The following CACNA2D3 variants were observed in gnomAD, a reference collection of about 807,000 sequenced individuals.
CACNA2D3 encodes the protein calcium voltage-gated channel auxiliary subunit alpha2delta 3.
CACNA2D3 carries 60 observed loss-of-function variants against 160.6 expected under a neutral mutation model. The ratio of observed to expected loss-of-function variants is 0.37; its 90% CI spans 0.30 to 0.46. The LOEUF is 0.46. Ranked by LOEUF, CACNA2D3 falls within the 20% of genes least tolerant of loss-of-function variation. The pLI is 1.00. For missense variants in CACNA2D3, 1,205 were observed against 1,365.0 expected, an observed-to-expected ratio of 0.88 and a Z score of 1.85; for synonymous variants, 558 against 492.9, an observed-to-expected ratio of 1.13 and a Z score of -1.75.
At chr3:54,372,776 A>G (rs1424077584) in intron 3 of CACNA2D3, among the ~76,000 whole-genome samples, 1 of 152,180 alleles carries the variant, frequency 6.6e-6, no homozygotes, top group Non-Finnish European at 1.5e-5. Flanking sequence ...ATTTCAGTTC[A>G]TTACCTGGGC....
intron 2 of CACNA2D3, among the ~76,000 whole-genome samples, chr3:54,201,087 G>A (rs55886209): frequency 0.37 from 55,697 of 151,962 alleles, 13,091 homozygotes; most frequent in African/African-American, 0.65. Context: ...TGAAATAAGC[G>A]CTGGGTTTTG....
chr3:54,949,762 G>A (rs533921362), intron 27 of CACNA2D3, among the ~76,000 whole-genome samples: 13 of 152,086 alleles, frequency 8.5e-5, no homozygotes, highest in South Asian at 6.2e-4. Flanking sequence ...TGTGGTCTCT[G>A]CCACAGATAG....
intron 3 of CACNA2D3, among the ~76,000 whole-genome samples, chr3:54,384,520 CAGA>C (rs756010203): frequency 7.9e-5 from 12 of 152,164 alleles, no homozygotes; most frequent in Non-Finnish European, 1.5e-4. Context: ...CACATGATCC[CAGA>C]AGGCTTTCAA....
intron 17 of CACNA2D3, among the ~76,000 whole-genome samples, chr3:54,853,992 T>C (rs1429096692): frequency 1.3e-5 from 2 of 152,102 alleles, no homozygotes; most frequent in Non-Finnish European, 2.9e-5. Flanking sequence ...TGAAAGAGAC[T>C]GTCCAGTAGG....
intron 17 of CACNA2D3, among the ~76,000 whole-genome samples, chr3:54,866,411 T>A (rs1699401696): frequency 6.6e-6 from 1 of 152,162 alleles, no homozygotes; most frequent in Non-Finnish European, 1.5e-5. Flanking sequence ...GGACTGCGGC[T>A]GCCTGGGAGA....
chr3:54,463,944 A>G (rs1023404510), intron 4 of CACNA2D3, among the ~76,000 whole-genome samples: 2 of 151,056 alleles, frequency 1.3e-5, no homozygotes, highest in Non-Finnish European at 3.0e-5. Flanking sequence ...TACAGATGGG[A>G]TTTTGGTGTG....
intron 2 of CACNA2D3, among the ~76,000 whole-genome samples, chr3:54,246,143 G>A (rs896237931): frequency 6.6e-6 from 1 of 152,198 alleles, no homozygotes; most frequent in Non-Finnish European, 1.5e-5. Context: ...ACTCTCTAGT[G>A]TATTTCTCAG....
chr3:54,437,588 C>T lies in CACNA2D3; in HGVS notation c.381+50814C>T, dbSNP rs1026410307. Among the ~76,000 whole-genome samples the T allele has an allele frequency of 3.3e-5, 5 of 152,236 alleles. 1 individual carries two copies. The East Asian group carries it at 5.8e-4, about 18-fold the overall frequency. ...TGGTAGGCCTTCAGCCAAGGGGTGCCGATATTGCCAGTCACTCCTCCTAGA... is the reference window on the plus strand; with the variant it reads ...TGGTAGGCCTTCAGCCAAGGGGTGCTGATATTGCCAGTCACTCCTCCTAGA... On this transcript the variant is annotated intron_variant, in intron 4 of 37. Transcript: ENST00000474759.
chr3:54,694,537 T>A (rs1700627732), intron 11 of CACNA2D3, among the ~76,000 whole-genome samples: 1 of 152,250 alleles, frequency 6.6e-6, no homozygotes, highest in African/African-American at 2.4e-5. Context: ...GCTGCTCTGC[T>A]ATTGACATTT....
chr3:54,401,440 A>G lies in CACNA2D3; in HGVS notation c.381+14666A>G, dbSNP rs180910342. On this transcript the variant is annotated intron_variant, in intron 4 of 37. Coordinates refer to ENST00000474759, the MANE Select transcript of CACNA2D3 (RefSeq NM_018398.3). The stretch of plus-strand genomic sequence containing the variant: ...GTTCAACCCAAAGTGGTTCTCTCTG[A>G]GGTACATTATAATTAAACTATCAAA... 2.6e-5 allele frequency among the ~76,000 whole-genome samples: 4 copies of G among 152,344 alleles called. 1 individual carries two copies. The East Asian group carries it at 7.7e-4, about 29-fold the overall frequency.
chr3:55,025,813 T>C (rs2107169817), intron 35 of CACNA2D3, among the ~76,000 whole-genome samples: 1 of 152,170 alleles, frequency 6.6e-6, no homozygotes, highest in East Asian at 1.9e-4. Context: ...ACTGTAGGCA[T>C]TGGAGGATTT....
At chr3:54,363,177 G>A (rs1698772413) in intron 3 of CACNA2D3, among the ~76,000 whole-genome samples, 1 of 151,232 alleles carries the variant, frequency 6.6e-6, no homozygotes. Context: ...CCTAGCGATA[G>A]AGCGAGACTC....
intron 13 of CACNA2D3, among the ~76,000 whole-genome samples, chr3:54,807,143 G>A (rs927130608): frequency 6.6e-6 from 1 of 152,096 alleles, no homozygotes; most frequent in Non-Finnish European, 1.5e-5. Flanking sequence ...CATAGGCATG[G>A]GCAAGGACTT....
At chr3:54,852,312 C>A (rs902428726) in intron 17 of CACNA2D3, among the ~76,000 whole-genome samples, 5 of 152,230 alleles carry the variant, frequency 3.3e-5, no homozygotes, top group African/African-American at 1.2e-4. Flanking sequence ...ATCTAGACTT[C>A]CGCAGACAAA....
chr3:54,887,742 G>C (rs1348058216), intron 23 of CACNA2D3, among the ~76,000 whole-genome samples: 1 of 152,186 alleles, frequency 6.6e-6, no homozygotes, highest in Non-Finnish European at 1.5e-5. Flanking sequence ...GCTCTCAGTT[G>C]ACTACCTTCT....
At chr3:54,947,519 G>A (rs1701645251) in intron 27 of CACNA2D3, among the ~76,000 whole-genome samples, 1 of 152,156 alleles carries the variant, frequency 6.6e-6, no homozygotes, top group Admixed American at 6.5e-5. Flanking sequence ...AACCTATACT[G>A]TTGAGTCTGT....
In CACNA2D3 at chr3:54,769,408, A is replaced by AT. The variant is rs893630758; in HGVS notation, c.1380+5066dup. ...GTTTTGTTGGTATTGATAGCTCTGG[A>AT]TTTTTTTTTAAGCATATTTATCGTC... On this transcript the variant is annotated intron_variant, in intron 13 of 37. Transcript: ENST00000474759. Among the ~76,000 whole-genome samples the AT allele has an allele frequency of 1.3e-4, 20 of 151,638 alleles. No homozygotes were observed. In the East Asian group the frequency reaches 1.7e-3, roughly 13 times the overall value.
At chr3:54,571,378 C>T (rs1702494146) in intron 8 of CACNA2D3, among the ~76,000 whole-genome samples, 1 of 152,138 alleles carries the variant, frequency 6.6e-6, no homozygotes, top group South Asian at 2.1e-4. Context: ...CTGAAACAGT[C>T]TCTCAGATTA....
Position 54,348,030 on chromosome 3 carries a change from A to G in CACNA2D3, c.321+27472A>G, listed in dbSNP as rs150721222. Among the ~76,000 whole-genome samples the G allele has an allele frequency of 1.6e-3, 246 of 152,348 alleles. 4 individuals carry two copies. Among genetic ancestry groups the G allele is most frequent in the African/African-American group, 5.7e-3 (236 of 41,588 alleles). On this transcript the variant is annotated intron_variant, in intron 3 of 37. Coordinates refer to ENST00000474759, the MANE Select transcript of CACNA2D3 (RefSeq NM_018398.3). ...CTCCTATGTATGTATGTGAATACAAAGAAGTTAATCTTCCTTAAAAAAAGA... is the reference window on the plus strand; with the variant it reads ...CTCCTATGTATGTATGTGAATACAAGGAAGTTAATCTTCCTTAAAAAAAGA...
Sources: gnomAD v4.1 joint callset for allele counts (sites outside exome capture counted in the v4.1 genomes callset) on GRCh38, gnomAD v4.1.1 for gene constraint, MANE v1.5 for transcripts, NCBI Gene and HGNC (gene_info 2026-07-23, HGNC 2026-07-21) for gene names.